PRKAR1B: variants seen among roughly 807,000 people sequenced by gnomAD.
PRKAR1B encodes cAMP-dependent protein kinase type I-beta regulatory subunit.
PRKAR1B carries 22 observed loss-of-function variants against 46.5 expected under a neutral mutation model. The observed-to-expected ratio is 0.47, with a 90% CI of 0.34 to 0.68. The LOEUF is 0.68. Among genes scored for constraint, PRKAR1B ranks in the 30% least tolerant of loss-of-function variants. PRKAR1B has a pLI of 0.01. For synonymous variants in PRKAR1B, 259 were observed against 217.7 expected, an observed-to-expected ratio of 1.19 and a Z score of -1.67; for missense variants, 445 against 535.6, an observed-to-expected ratio of 0.83 and a Z score of 1.67.
At chr7:570,260 C>T (rs578173379) in intron 9 of PRKAR1B, among the ~76,000 whole-genome samples, 89 of 152,294 alleles carry the variant, frequency 5.8e-4, no homozygotes, top group African/African-American at 2.0e-3. Context: ...GGCCCTGAGG[C>T]CAAGGGTGGG....
At chr7:658,975 TCG>T (rs1785355666) in intron 4 of PRKAR1B, among the ~76,000 whole-genome samples, 1 of 152,176 alleles carries the variant, frequency 6.6e-6, no homozygotes, top group Non-Finnish European at 1.5e-5. Flanking sequence ...AAATATTATC[TCG>T]CAGTCATTTG....
intron 2 of PRKAR1B, among the ~76,000 whole-genome samples, chr7:706,051 C>T (rs1780306080): frequency 1.3e-5 from 2 of 152,106 alleles, no homozygotes; most frequent in Admixed American, 6.5e-5. Context: ...ATGAGCCGGG[C>T]GTGGTGGCTC....
chr7:623,473 T>G (rs566382641), intron 4 of PRKAR1B, among the ~76,000 whole-genome samples: 1 of 152,248 alleles, frequency 6.6e-6, no homozygotes, highest in Non-Finnish European at 1.5e-5. Context: ...ATAATCAATA[T>G]GTGATCATCT....
chr7:690,691 G>C (rs1347951207), intron 2 of PRKAR1B, among the ~76,000 whole-genome samples: 1 of 152,196 alleles, frequency 6.6e-6, no homozygotes, highest in Non-Finnish European at 1.5e-5. Context: ...ACAAGTCCCA[G>C]AAGGAATGCC....
In PRKAR1B at chr7:644,495, C is replaced by T. The variant is rs1370600911; in HGVS notation, c.440+32734G>A. Among the ~76,000 whole-genome samples, 1 of 152,318 alleles carries T rather than the reference C, an allele frequency of 6.6e-6. No homozygotes were observed. The highest frequency in any genetic ancestry group is 2.4e-5 in the African/African-American group (1 of 41,582). ...GAGGGAAGCCCCACTCGGACGCCATCCCGGGGTCCAGCATCCCTCCGAGGG... is the reference window on the plus strand; with the variant it reads ...GAGGGAAGCCCCACTCGGACGCCATTCCGGGGTCCAGCATCCCTCCGAGGG... On this transcript the variant is annotated intron_variant, in intron 4 of 10. Coordinates refer to ENST00000537384, the MANE Select transcript of PRKAR1B (RefSeq NM_001164760.2). This position sits in a 1 kb window ranked among gnomAD's most constrained non-coding sequence, Gnocchi z 4.9.
chr7:575,546 G>A (rs1456503416), intron 9 of PRKAR1B, among the ~76,000 whole-genome samples: 1 of 151,760 alleles, frequency 6.6e-6, no homozygotes, highest in Non-Finnish European at 1.5e-5. Flanking sequence ...TTTTGTTTTT[G>A]GTTTTGGTTT....
intron 4 of PRKAR1B, among the ~76,000 whole-genome samples, chr7:619,429 C>T (rs1379220012): frequency 6.6e-6 from 1 of 152,238 alleles, no homozygotes; most frequent in Non-Finnish European, 1.5e-5. Flanking sequence ...AACCTTGTGG[C>T]ATATATGATC....
At position 711,013 on chromosome 7, in the gene PRKAR1B, G is replaced by A. The variant is rs545864394; in HGVS notation, c.177+316C>T. On this transcript the variant is annotated intron_variant, in intron 2 of 10. Coordinates refer to ENST00000537384, the MANE Select transcript of PRKAR1B (RefSeq NM_001164760.2). ...CTGTCGGTGAGCCCCACAAGCTAGC[G>A]AAACACCTGGACCTAAAACCCTGAA... is the stretch of plus-strand genomic sequence containing the variant. 7.9e-5 allele frequency among the ~76,000 whole-genome samples: 12 copies of A among 152,194 alleles called. No homozygotes were observed. In the South Asian group the frequency reaches 1.0e-3, roughly 13 times the overall value.
chr7:699,214 A>G (rs1779931629), intron 2 of PRKAR1B, among the ~76,000 whole-genome samples: 1 of 152,144 alleles, frequency 6.6e-6, no homozygotes, highest in Non-Finnish European at 1.5e-5. Flanking sequence ...ATGGTGGGGA[A>G]CCCACGTTCT....
Position 636,439 on chromosome 7 carries a change from C to T in PRKAR1B, c.441-28987G>A, listed in dbSNP as rs144208312. Among the ~76,000 whole-genome samples, 465 of 80,040 alleles carry T rather than the reference C, an allele frequency of 5.8e-3. 14 individuals are homozygous for T. Among genetic ancestry groups the T allele is most frequent in the Non-Finnish European group, 7.4e-3 (243 of 32,726 alleles). 52.5% of individuals were successfully genotyped at this position (80,040 alleles called of 152,430 possible). A position where few individuals can be genotyped will look rare whatever the true frequency, so the allele number is the denominator to read the frequency against. On this transcript the variant is annotated intron_variant, in intron 4 of 10. Coordinates refer to ENST00000537384, the MANE Select transcript of PRKAR1B (RefSeq NM_001164760.2). The stretch of plus-strand genomic sequence containing the variant: ...GCGCCCACACGTCCTCCACCGGCCG[C>T]GCCCTCACGTCCTCCACCGGACTGT...
intron 4 of PRKAR1B, among the ~76,000 whole-genome samples, chr7:647,805 C>CAAA (rs769761277): frequency 1.5e-3 from 26 of 17,876 alleles, no homozygotes; most frequent in African/African-American, 2.9e-3. Context: ...ACTTCGTCTC[C>CAAA]AAAAAAAAAA....
intron 2 of PRKAR1B, among the ~76,000 whole-genome samples, chr7:693,994 C>A (rs1335734219): frequency 6.6e-6 from 1 of 152,142 alleles, no homozygotes; most frequent in African/African-American, 2.4e-5. Flanking sequence ...AACCGCGAGA[C>A]CTGGACTCGG....
At chr7:668,816 G>C (rs1160925091) in intron 4 of PRKAR1B, among the ~76,000 whole-genome samples, 1 of 152,200 alleles carries the variant, frequency 6.6e-6, no homozygotes, top group African/African-American at 2.4e-5. Context: ...GGGAGCTGGG[G>C]AGGAGCCCAG....
intron 2 of PRKAR1B, among the ~76,000 whole-genome samples, chr7:702,478 T>C (rs1363771403): frequency 6.6e-6 from 1 of 152,092 alleles, no homozygotes; most frequent in Non-Finnish European, 1.5e-5. Context: ...GGACATAAAT[T>C]AACATCAAGA....
intron 2 of PRKAR1B, among the ~76,000 whole-genome samples, chr7:688,039 T>G (rs1302189771): frequency 7.3e-6 from 1 of 136,196 alleles, no homozygotes; most frequent in Non-Finnish European, 1.5e-5. Context: ...GAGGTTGCAA[T>G]GAGCCAAGAT....
intron 6 of PRKAR1B, among the ~76,000 whole-genome samples, chr7:605,492 G>A (rs1413574008): frequency 6.6e-6 from 1 of 152,224 alleles, no homozygotes; most frequent in Non-Finnish European, 1.5e-5. Flanking sequence ...GGGGCCAGGG[G>A]TGATGTCATG....
intron 9 of PRKAR1B, among the ~76,000 whole-genome samples, chr7:569,288 A>C (rs1341697669): frequency 6.6e-6 from 1 of 152,176 alleles, no homozygotes; most frequent in African/African-American, 2.4e-5. Flanking sequence ...CCCTCTATCC[A>C]CGCAGAGAAC....
rs1231657079 is a variant in PRKAR1B, at chr7:711,420, T to C, written c.86A>G (p.Gln29Arg). 1.9e-6 allele frequency: 3 copies of C among 1,614,120 alleles called. No homozygotes were observed. The highest frequency in any genetic ancestry group is 2.5e-6 in the Non-Finnish European group (3 of 1,180,038). The change falls in exon 2 of 11, where the codon CAG (glutamine) becomes CGG (arginine). Residue 29 changes from glutamine to arginine, a missense_variant. By Grantham distance (43) the Gln-to-Arg change is conservative. Transcript: ENST00000537384. The part of the protein sequence containing the change: ...ELYVQLHGIQ[Q>R]VLKDCIVHLC... ...GTGGACGATACAGTCTTTGAGGACC[T>C]GCTGGATCCCGTGCAGCTGCACGTA...
intron 4 of PRKAR1B, among the ~76,000 whole-genome samples, chr7:637,832 T>TA (rs199839811): frequency 3.4e-5 from 5 of 148,176 alleles, no homozygotes; most frequent in African/African-American, 7.5e-5. Context: ...AGACTCCATC[T>TA]AAAAAAATAA....
Sources: allele counts gnomAD v4.1 joint callset (sites outside exome capture counted in the v4.1 genomes callset), GRCh38; gene constraint gnomAD v4.1.1; non-coding constraint Gnocchi (gnomAD v3.1); transcripts MANE v1.5; gene names NCBI Gene and HGNC (gene_info 2026-07-23, HGNC 2026-07-21).